NCAM2: variants seen among roughly 807,000 people sequenced by gnomAD.
NCAM2 encodes the protein neural cell adhesion molecule 2.
NCAM2 carries 30 observed loss-of-function variants against 98.1 expected under a neutral mutation model. That is an observed-to-expected ratio of 0.31 (90% CI 0.23 to 0.41). The LOEUF is 0.41. NCAM2 is among the 10% of genes least tolerant of loss of function. The pLI, the probability that NCAM2 is intolerant of heterozygous loss-of-function variation, is 1.00. For missense variants in NCAM2, 867 were observed against 1,005.8 expected, an observed-to-expected ratio of 0.86 and a Z score of 1.87; for synonymous variants, 368 against 342.4, an observed-to-expected ratio of 1.07 and a Z score of -0.83.
At chr21:21,356,481 A>G (rs956397662) in intron 8 of NCAM2, among the ~76,000 whole-genome samples, 7 of 152,126 alleles carry the variant, frequency 4.6e-5, no homozygotes, top group African/African-American at 1.7e-4. Context: ...TGTGAAGATT[A>G]CATTATATTT....
At chr21:21,218,368 A>G (rs2069994758) in intron 1 of NCAM2, among the ~76,000 whole-genome samples, 1 of 152,142 alleles carries the variant, frequency 6.6e-6, no homozygotes, top group Admixed American at 6.6e-5. Flanking sequence ...GTTGGTGTTC[A>G]ATACGGAGGG....
chr21:21,026,625 C>CAA (rs34401480), intron 1 of NCAM2, among the ~76,000 whole-genome samples: 63 of 141,670 alleles, frequency 4.4e-4, no homozygotes, highest in Admixed American at 2.0e-3. Flanking sequence ...AACTCCGTCT[C>CAA]AAAAAAAAAA....
rs114158317 is a variant in NCAM2, at chr21:21,062,519, A to C, written c.55+63901A>C. On this transcript the variant is annotated intron_variant, in intron 1 of 17. Transcript: ENST00000400546. ...GCCATGTGTTAGGCACTCAGGGAAC[A>C]GGAAGCTTGCCCTTTAGGACTTGCC... is the stretch of plus-strand genomic sequence containing the variant. Among the ~76,000 whole-genome samples, 698 of 152,354 alleles carry C rather than the reference A, an allele frequency of 4.6e-3. 9 individuals are homozygous for C. The highest frequency in any genetic ancestry group is 0.016 in the African/African-American group (655 of 41,588).
At chr21:21,423,285 G>A (rs1481289244) in intron 11 of NCAM2, among the ~76,000 whole-genome samples, 1 of 152,140 alleles carries the variant, frequency 6.6e-6, no homozygotes, top group East Asian at 1.9e-4. Flanking sequence ...AAGAGTTTCT[G>A]TGCAGTCATT....
At chr21:21,436,928 ATT>A (rs3838065) in intron 12 of NCAM2, among the ~76,000 whole-genome samples, 6 of 148,116 alleles carry the variant, frequency 4.1e-5, no homozygotes, top group South Asian at 4.3e-4. Flanking sequence ...CACCTGGCTA[ATT>A]TTTTTTTTTA....
At chr21:21,460,208 G>A (rs944874016) in intron 12 of NCAM2, among the ~76,000 whole-genome samples, 3 of 151,652 alleles carry the variant, frequency 2.0e-5, no homozygotes, top group East Asian at 1.9e-4. Context: ...TATAATTCGC[G>A]TTTATGAGGA....
intron 16 of NCAM2, among the ~76,000 whole-genome samples, chr21:21,523,141 C>A (rs926162019): frequency 6.6e-6 from 1 of 152,080 alleles, no homozygotes; most frequent in Non-Finnish European, 1.5e-5. Context: ...TGCAAGTTGT[C>A]TCTTCACTTT....
At chr21:21,288,234 C>T (rs1369004093) in intron 4 of NCAM2, among the ~76,000 whole-genome samples, 1 of 151,824 alleles carries the variant, frequency 6.6e-6, no homozygotes, top group African/African-American at 2.4e-5. Context: ...TATTTTTCAT[C>T]AGCAGTTGTT....
chr21:21,027,118 A>G (rs2146207320), intron 1 of NCAM2, among the ~76,000 whole-genome samples: 1 of 152,248 alleles, frequency 6.6e-6, no homozygotes, highest in South Asian at 2.1e-4. Context: ...TCAGCCTCCC[A>G]AAGTGCTGGG....
At chr21:21,160,057 CAGTT>C (rs111792014) in intron 1 of NCAM2, among the ~76,000 whole-genome samples, 2 of 152,114 alleles carry the variant, frequency 1.3e-5, no homozygotes, top group African/African-American at 2.4e-5. Context: ...TGGTAGATCT[CAGTT>C]AGACTCCTGA....
At chr21:21,155,919 CA>C (rs1232350271) in intron 1 of NCAM2, among the ~76,000 whole-genome samples, 3 of 152,058 alleles carry the variant, frequency 2.0e-5, no homozygotes, top group Non-Finnish European at 2.9e-5. Context: ...AGTCTAAAAC[CA>C]GTTAATCTGT....
In NCAM2 at chr21:21,234,775, T is replaced by C. The variant is rs2070753893; in HGVS notation, c.56-45803T>C. Among the ~76,000 whole-genome samples, 4 of 151,968 alleles carry C rather than the reference T, an allele frequency of 2.6e-5. No homozygotes were observed. In the South Asian group the frequency reaches 8.3e-4, roughly 31 times the overall value. ...CAGAGTAGAGGACTCTTGATCCATA[T>C]GATCATTACCTTACGAGAAATGCCT... is the stretch of plus-strand genomic sequence containing the variant. On this transcript the variant is annotated intron_variant, in intron 1 of 17. Transcript: ENST00000400546.
At chr21:21,365,076 T>C (rs2075751147) in intron 8 of NCAM2, among the ~76,000 whole-genome samples, 1 of 152,044 alleles carries the variant, frequency 6.6e-6, no homozygotes, top group South Asian at 2.1e-4. Context: ...TAGGAGACAG[T>C]GTTCTGAGTT....
At chr21:21,206,622 CT>C (rs1468116393) in intron 1 of NCAM2, among the ~76,000 whole-genome samples, 1 of 150,920 alleles carries the variant, frequency 6.6e-6, no homozygotes, top group African/African-American at 2.4e-5. Flanking sequence ...GTTTTTATGG[CT>C]TTAGGTTACA....
chr21:21,136,766 ATCTCTT>A (rs2067063510), intron 1 of NCAM2, among the ~76,000 whole-genome samples: 1 of 151,530 alleles, frequency 6.6e-6, no homozygotes, highest in Admixed American at 6.6e-5. Context: ...GGCCCATTTT[ATCTCTT>A]TCTAATTCTC....
At chr21:21,032,981 G>A (rs1236962099) in intron 1 of NCAM2, among the ~76,000 whole-genome samples, 1 of 142,466 alleles carries the variant, frequency 7.0e-6, no homozygotes, top group East Asian at 2.1e-4. Flanking sequence ...TTTCACTCTT[G>A]TTGCCCAGGC....
At chr21:21,365,238 C>CGCGTGTGTGT (rs1555881783) in intron 8 of NCAM2, among the ~76,000 whole-genome samples, 1 of 146,902 alleles carries the variant, frequency 6.8e-6, no homozygotes, top group Non-Finnish European at 1.5e-5. Context: ...TTGCTTAGTG[C>CGCGTGTGTGT]GTGTGTGTGT....
intron 1 of NCAM2, among the ~76,000 whole-genome samples, chr21:21,246,225 T>G (rs1410803293): frequency 3.3e-5 from 5 of 152,124 alleles, no homozygotes; most frequent in Non-Finnish European, 2.9e-5. Flanking sequence ...AAGTGAGTGA[T>G]CTGGGAAGTG....
intron 1 of NCAM2, among the ~76,000 whole-genome samples, chr21:21,168,129 G>A (rs1020055928): frequency 1.1e-4 from 16 of 151,822 alleles, no homozygotes; most frequent in Admixed American, 2.6e-4. Context: ...GACTTACTCC[G>A]GGTGTGTAAG....
Sources: allele counts gnomAD v4.1 joint callset (sites outside exome capture counted in the v4.1 genomes callset), GRCh38; gene constraint gnomAD v4.1.1; transcripts MANE v1.5; gene names NCBI Gene and HGNC (gene_info 2026-07-23, HGNC 2026-07-21).